The following ZNF480 variants were observed in gnomAD, a reference collection of about 807,000 sequenced individuals.
The protein encoded by ZNF480 is zinc finger protein 480.
ZNF480 carries 15 observed loss-of-function variants against 14.4 expected under a neutral mutation model. The ratio of observed to expected loss-of-function variants is 1.04; its 90% CI spans 0.70 to 1.60. The LOEUF (loss-of-function observed/expected upper bound fraction) is 1.60. Among genes scored for constraint, ZNF480 ranks in the 40% most tolerant of loss-of-function variants. ZNF480 has a pLI of 0.00. For synonymous variants in ZNF480, 218 were observed against 215.5 expected (o/e 1.01, Z -0.10); for missense variants, 593 against 629.7 (o/e 0.94, Z 0.62).
intron 4 of ZNF480, among the ~76,000 whole-genome samples, chr19:52,316,862 T>C (rs1265983791): frequency 1.3e-5 from 2 of 152,224 alleles, no homozygotes; most frequent in Non-Finnish European, 2.9e-5. Flanking sequence ...ATCTATTTTG[T>C]AGCACATCAA....
intron 2 of ZNF480, among the ~76,000 whole-genome samples, chr19:52,310,980 G>C (rs1394829631): frequency 6.9e-6 from 1 of 144,364 alleles, no homozygotes; most frequent in Non-Finnish European, 1.5e-5. Context: ...ACTCCAGCCT[G>C]GGTGACAGAG....
chr19:52,314,961 A>G (rs1983479799), intron 3 of ZNF480, among the ~76,000 whole-genome samples: 1 of 152,104 alleles, frequency 6.6e-6, no homozygotes, highest in Non-Finnish European at 1.5e-5. Flanking sequence ...GGAAGTATGC[A>G]TAAAACCTTT....
intron 2 of ZNF480, among the ~76,000 whole-genome samples, chr19:52,309,398 A>G (rs774325370): frequency 1.3e-5 from 2 of 152,076 alleles, no homozygotes; most frequent in Non-Finnish European, 1.5e-5. Context: ...GTGTGGGGCA[A>G]TAGGAAGCTG....
chr19:52,310,919 G>A (rs1177242334), intron 2 of ZNF480, among the ~76,000 whole-genome samples: 2 of 149,938 alleles, frequency 1.3e-5, no homozygotes, highest in African/African-American at 4.9e-5. Context: ...GCAGGAGAAT[G>A]GCGTGAACCC....
chr19:52,323,108 A>G lies in ZNF480; in HGVS notation c.*250A>G, dbSNP rs1286800878. On this transcript the variant is annotated 3_prime_UTR_variant, in exon 5 of 5. Coordinates refer to ENST00000595962, the MANE Select transcript of ZNF480 (RefSeq NM_144684.4). ...AGGAGATCTAAAAAACACAATCAGA[A>G]ATGACAAAGGGGACATTACCACCAA... The G allele has an allele frequency of 2.9e-6, 1 of 348,940 alleles. No individual in the cohort carries two copies. Among genetic ancestry groups the G allele is most frequent in the Non-Finnish European group, 5.2e-6 (1 of 193,982 alleles). The allele number at this position is 348,940 out of a possible 1,614,324, so 21.6% of individuals were successfully genotyped here. A position where few individuals can be genotyped will look rare whatever the true frequency, so the allele number is the denominator to read the frequency against.
At position 52,322,703 on chromosome 19, in the gene ZNF480, T is replaced by G; in HGVS notation, c.1453T>G (p.Cys485Gly). The G allele has an allele frequency of 6.2e-7, 1 of 1,613,708 alleles. No homozygotes were observed. Among genetic ancestry groups the G allele is most frequent in the Non-Finnish European group, 8.5e-7 (1 of 1,179,750 alleles). The change falls in exon 5 of 5, where the codon TGT becomes GGT. Residue 485 changes from cysteine to glycine, a missense_variant. Coordinates refer to ENST00000595962, the MANE Select transcript of ZNF480 (RefSeq NM_144684.4). Reference protein sequence around the residue: ...RIHTGERPYKCNECGKVFNRI... With the variant: ...RIHTGERPYKGNECGKVFNRI... ...CCATACTGGAGAAAGACCTTACAAA[T>G]GTAATGAATGTGGCAAGGTCTTCAA...
intron 4 of ZNF480, among the ~76,000 whole-genome samples, chr19:52,318,030 C>G (rs1189906934): frequency 6.6e-6 from 1 of 151,766 alleles, no homozygotes; most frequent in Non-Finnish European, 1.5e-5. Flanking sequence ...ATGTGTATTT[C>G]TTTCCACATT....
intron 2 of ZNF480, among the ~76,000 whole-genome samples, chr19:52,310,962 G>A (rs113270888): frequency 1.2e-4 from 17 of 136,380 alleles, no homozygotes; most frequent in African/African-American, 4.2e-4. Context: ...CCAAGATCAC[G>A]CCACTGGACT....
chr19:52,313,375 T>C (rs1983384895), intron 2 of ZNF480, among the ~76,000 whole-genome samples: 1 of 151,642 alleles, frequency 6.6e-6, no homozygotes, highest in Admixed American at 6.6e-5. Flanking sequence ...TGACCTCAGG[T>C]CATCTGCCCA....
At chr19:52,306,308 A>G (rs1205836149) in intron 2 of ZNF480, among the ~76,000 whole-genome samples, 1 of 152,170 alleles carries the variant, frequency 6.6e-6, no homozygotes, top group Admixed American at 6.6e-5. Context: ...TCCCTGCTTG[A>G]CAGCACTTGA....
chr19:52,312,802 T>C (rs543098445), intron 2 of ZNF480, among the ~76,000 whole-genome samples: 4 of 148,550 alleles, frequency 2.7e-5, no homozygotes, highest in Admixed American at 6.8e-5. Context: ...GTCATTGCTA[T>C]TGTTATCATC....
intron 2 of ZNF480, among the ~76,000 whole-genome samples, chr19:52,304,787 A>C (rs373873970): frequency 4.4e-4 from 67 of 152,038 alleles, no homozygotes; most frequent in African/African-American, 1.5e-3. Flanking sequence ...CTTCCCCATA[A>C]ATTTATAGGT....
intron 2 of ZNF480, 195 bp downstream of exon 2, chr19:52,300,679 A>G: frequency 1.1e-6 from 1 of 908,704 alleles, no homozygotes; most frequent in South Asian, 1.7e-5. Context: ...AATTAAAGAC[A>G]CAGACACAAG....
At chr19:52,316,879 T>C (rs1983582838) in intron 4 of ZNF480, among the ~76,000 whole-genome samples, 1 of 152,230 alleles carries the variant, frequency 6.6e-6, no homozygotes, top group Non-Finnish European at 1.5e-5. Flanking sequence ...TCAAGAAATT[T>C]GTATATTCTT....
chr19:52,307,475 G>A (rs1241730851), intron 2 of ZNF480: 1 of 152,212 alleles, frequency 6.6e-6, no homozygotes, highest in Non-Finnish European at 1.5e-5. Flanking sequence ...CCTTCGACAA[G>A]GGTTTGAGCC....
In ZNF480 at chr19:52,322,183, A is replaced by C. The variant is rs1199185041; in HGVS notation, c.933A>C (p.Glu311Asp). 5 of 1,614,008 alleles carry C rather than the reference A, an allele frequency of 3.1e-6. No individual in the cohort carries two copies. The Admixed American group carries it at 8.3e-5, about 27-fold the overall frequency. The change falls in exon 5 of 5, where the codon GAA becomes GAC. Residue 311 changes from glutamate to aspartate, a missense_variant. Transcript: ENST00000595962. The stretch of plus-strand genomic sequence containing the variant: ...CACGACATCAAAGAATTCATGCTGA[A>C]GAGAAACCTTACAAATGTAATGAAT... ...YLARHQRIHA[E>D]EKPYKCNECG...
At chr19:52,307,724 A>G (rs1983012036) in intron 2 of ZNF480, among the ~76,000 whole-genome samples, 1 of 152,182 alleles carries the variant, frequency 6.6e-6, no homozygotes, top group South Asian at 2.1e-4. Flanking sequence ...ACAGGAAACA[A>G]AACATTCTTA....
chr19:52,307,800 C>A (rs2122528612), intron 2 of ZNF480, among the ~76,000 whole-genome samples: 1 of 152,346 alleles, frequency 6.6e-6, no homozygotes. Context: ...AAGGCACAGG[C>A]TACTCATCCT....
intron 4 of ZNF480, among the ~76,000 whole-genome samples, chr19:52,320,616 A>T (rs552880212): frequency 1.2e-3 from 184 of 152,014 alleles, no homozygotes; most frequent in Middle Eastern, 3.4e-3. Context: ...ACATGGTAAA[A>T]CCCCATCTCC....
Sources: gnomAD v4.1 joint callset for allele counts (sites outside exome capture counted in the v4.1 genomes callset) on GRCh38, gnomAD v4.1.1 for gene constraint, MANE v1.5 for transcripts, NCBI Gene and HGNC (gene_info 2026-07-23, HGNC 2026-07-21) for gene names.